The following BBS7 variants were observed in gnomAD, a reference collection of about 807,000 sequenced individuals.
The protein encoded by BBS7 is Bardet-Biedl syndrome 7.
In BBS7, 50 loss-of-function variants were observed where a neutral mutation model predicts 90.3. The observed-to-expected ratio is 0.55, with a 90% CI of 0.44 to 0.70. BBS7 has a LOEUF of 0.70. Among genes scored for constraint, BBS7 ranks in the 30% least tolerant of loss-of-function variants. The probability of loss-of-function intolerance (pLI) is 0.00; values close to 1 mark genes in which losing one functional copy is unlikely to be tolerated. For synonymous variants in BBS7, 235 were observed against 287.4 expected, an observed-to-expected ratio of 0.82 and a Z score of 1.85; for missense variants, 729 against 838.9, an observed-to-expected ratio of 0.87 and a Z score of 1.62.
intron 14 of BBS7, among the ~76,000 whole-genome samples, chr4:121,834,384 T>C (rs1189663169): frequency 2.6e-5 from 4 of 152,310 alleles, no homozygotes; most frequent in African/African-American, 9.6e-5. Flanking sequence ...CTCTTAAATG[T>C]TTCCAAAAAA....
At chr4:121,838,364 G>GAAAA (rs35961896) in intron 13 of BBS7, among the ~76,000 whole-genome samples, 1 of 109,954 alleles carries the variant, frequency 9.1e-6, no homozygotes, top group Non-Finnish European at 1.8e-5. Context: ...CATCTCTCTT[G>GAAAA]AAAAAAAAAA....
At chr4:121,842,967 T>C (rs1329332616) in intron 12 of BBS7, among the ~76,000 whole-genome samples, 1 of 152,122 alleles carries the variant, frequency 6.6e-6, no homozygotes, top group African/African-American at 2.4e-5. Context: ...TTGAATGAAG[T>C]TTAGTATGCA....
intron 13 of BBS7, among the ~76,000 whole-genome samples, chr4:121,838,249 G>A (rs1455999108): frequency 6.7e-6 from 1 of 150,030 alleles, no homozygotes; most frequent in African/African-American, 2.5e-5. Context: ...TTCTTTCAAA[G>A]TACATAAAAG....
At chr4:121,860,085 A>G (rs773769805) in intron 4 of BBS7, among the ~76,000 whole-genome samples, 5 of 152,194 alleles carry the variant, frequency 3.3e-5, no homozygotes, top group African/African-American at 1.2e-4. Flanking sequence ...AGCTTATCCT[A>G]TAATAATCCT....
intron 18 of BBS7, among the ~76,000 whole-genome samples, chr4:121,826,462 G>A (rs1210859330): frequency 6.6e-6 from 1 of 152,118 alleles, no homozygotes; most frequent in Non-Finnish European, 1.5e-5. Context: ...ATTTCACCTT[G>A]AGTTTTCTCA....
chr4:121,859,172 T>A lies in BBS7; in HGVS notation c.348A>T (p.Ile116=). ...CACTGAGAAAGAGGTCTGAGCCAGA[T>A]ATGTGCCTGAGAACATTAAAATAGT... The part of the protein sequence containing the change: ...NLTESIKAMH[I]SGSDLFLSAS... The change falls in exon 5 of 19, where the codon ATA becomes ATT. Residue 116 remains isoleucine (I), a synonymous_variant. Transcript: ENST00000264499. The A allele has an allele frequency of 6.2e-7, 1 of 1,613,666 alleles. No homozygotes were observed.
At position 121,839,813 on chromosome 4, in the gene BBS7, G is replaced by A. The variant is rs12510839; in HGVS notation, c.1306-117C>T. The A allele has an allele frequency of 0.36, 301,406 of 834,190 alleles. 58,841 individuals are homozygous for A. Among genetic ancestry groups the A allele is most frequent in the East Asian group, 0.49 (18,268 of 37,204 alleles). 51.7% of individuals were successfully genotyped at this position (834,190 alleles called of 1,614,324 possible). On this transcript the variant is annotated intron_variant, in intron 12 of 18. Coordinates refer to ENST00000264499, the MANE Select transcript of BBS7 (RefSeq NM_176824.3). ...TAAGCACCTGTCATTGGTGCTCAGC[G>A]CTTTTCAAACATGTTCTAACTTACA...
intron 15 of BBS7, among the ~76,000 whole-genome samples, chr4:121,832,009 AACACACACACACACACACAC>A (rs375865529): frequency 1.4e-5 from 2 of 142,768 alleles, no homozygotes; most frequent in African/African-American, 5.4e-5. Context: ...AAAAAACAAA[AACACACACACACACACACAC>A]ACACACACAC....
chr4:121,854,816 GT>G lies in BBS7; in HGVS notation c.605del (p.Asp202AlafsTer96). 1.2e-6 allele frequency: 2 copies of G among 1,611,014 alleles called. No individual in the cohort carries two copies. Among genetic ancestry groups the G allele is most frequent in the Non-Finnish European group, 1.7e-6 (2 of 1,178,006 alleles). On this transcript the variant is annotated frameshift_variant, in exon 7 of 19. Coordinates refer to ENST00000264499, the MANE Select transcript of BBS7 (RefSeq NM_176824.3). LOFTEE classifies it high-confidence loss of function. The part of the protein sequence containing the change: ...VLALHNGNGG[D>X]SGEDLLFGTS... ...TCCCAAACAAAAGGTCTTCTCCAGA[GT>G]CACCTACTTATAATTAAAGTCAACA...
Position 121,861,543 on chromosome 4 carries a change from A to T in BBS7, c.302T>A (p.Leu101His), listed in dbSNP as rs760863058. Reference protein sequence around the residue: ...RGFTKRGKQFLSFETNLTESI... With the variant: ...RGFTKRGKQFHSFETNLTESI... The stretch of plus-strand genomic sequence containing the variant: ...TTCAGTGAGGTTTGTTTCAAAGGAG[A>T]GGAACTGTTTTCCTCTTTTTGTGAA... Residue 101 changes from leucine to histidine, a missense_variant, in exon 4 of 19, where the codon CTC becomes CAC. Leu to His is a moderately conservative substitution (Grantham distance 99, BLOSUM62 -3). Transcript: ENST00000264499. 11 of 1,613,810 alleles carry T rather than the reference A, an allele frequency of 6.8e-6. No homozygotes were observed. In the Admixed American group the frequency reaches 1.7e-4, roughly 24 times the overall value.
chr4:121,845,782 C>T, intron 10 of BBS7, 86 bp from the exon 11 acceptor site: 1 of 1,317,748 alleles, frequency 7.6e-7, no homozygotes, highest in Non-Finnish European at 1.1e-6. Context: ...GAGACATTTG[C>T]TTTTACAAAA....
At chr4:121,838,048 G>A (rs1010323633) in intron 13 of BBS7, among the ~76,000 whole-genome samples, 5 of 151,310 alleles carry the variant, frequency 3.3e-5, no homozygotes, top group Non-Finnish European at 5.9e-5. Context: ...AGGTTGCAGT[G>A]AGTCAAGATT....
chr4:121,852,293 CT>C (rs777399355), intron 8 of BBS7, among the ~76,000 whole-genome samples: 1 of 151,854 alleles, frequency 6.6e-6, no homozygotes, highest in Non-Finnish European at 1.5e-5. Flanking sequence ...GTTGTGAACT[CT>C]TTTTTTTCTT....
chr4:121,857,598 A>G (rs1385181473), intron 5 of BBS7, among the ~76,000 whole-genome samples: 4 of 152,106 alleles, frequency 2.6e-5, no homozygotes, highest in Non-Finnish European at 2.9e-5. Flanking sequence ...AAAGACTTCA[A>G]CTTTATTTTC....
At chr4:121,853,748 G>A (rs181309641) in intron 7 of BBS7, among the ~76,000 whole-genome samples, 182 of 151,156 alleles carry the variant, frequency 1.2e-3, no homozygotes, top group African/African-American at 4.0e-3. Flanking sequence ...TTTTGTTTAG[G>A]CTTAGTAAAT....
chr4:121,845,392 A>G (rs1204375471), intron 11 of BBS7, 112 bp downstream of exon 11: 3 of 612,340 alleles, frequency 4.9e-6, no homozygotes, highest in African/African-American at 3.9e-5. Flanking sequence ...AAAAATAAAA[A>G]TAAAATAAAA....
intron 9 of BBS7, 71 bp from the exon 10 acceptor site, chr4:121,847,577 T>G: frequency 9.3e-7 from 1 of 1,072,620 alleles, no homozygotes; most frequent in East Asian, 2.4e-5. Context: ...ATGCATTGTA[T>G]AGCAGAAACT....
chr4:121,842,251 CAAA>C (rs1270788731), intron 12 of BBS7, among the ~76,000 whole-genome samples: 2 of 66,668 alleles, frequency 3.0e-5, no homozygotes, highest in Admixed American at 1.7e-4. Context: ...GACTCCATCT[CAAA>C]AAAAAAAAAA....
chr4:121,838,377 A>G (rs934076678), intron 13 of BBS7, among the ~76,000 whole-genome samples: 43 of 152,046 alleles, frequency 2.8e-4, no homozygotes, highest in African/African-American at 9.4e-4. Context: ...AAAAAAAAAA[A>G]AAACCTTTGA....
Sources: gnomAD v4.1 joint callset for allele counts (sites outside exome capture counted in the v4.1 genomes callset) on GRCh38, gnomAD v4.1.1 for gene constraint, MANE v1.5 for transcripts, NCBI Gene and HGNC (gene_info 2026-07-23, HGNC 2026-07-21) for gene names.